SIPA1L2: variants seen among roughly 807,000 people sequenced by gnomAD.
SIPA1L2 encodes the protein signal induced proliferation associated 1 like 2.
A neutral mutation model predicts 163.9 loss-of-function variants in SIPA1L2; 56 were observed. The observed-to-expected ratio is 0.34, with a 90% confidence interval of 0.28 to 0.43. The LOEUF (loss-of-function observed/expected upper bound fraction) is 0.43, where lower values mean the gene tolerates loss of function less well. Among genes scored for constraint, SIPA1L2 ranks in the 20% least tolerant of loss-of-function variants. The probability of loss-of-function intolerance (pLI) is 1.00; values close to 1 mark genes in which losing one functional copy is unlikely to be tolerated. For missense variants in SIPA1L2, 1,974 were observed against 2,193.5 expected (o/e 0.90, Z 2.00); for synonymous variants, 877 against 865.7 (o/e 1.01, Z -0.23).
chr1:232,529,098 T>C (rs970898311), intron 2 of SIPA1L2, among the ~76,000 whole-genome samples: 1 of 152,216 alleles, frequency 6.6e-6, no homozygotes, highest in Non-Finnish European at 1.5e-5. Context: ...AGTTAGGTCA[T>C]TGTTCTTTAT....
At chr1:232,616,302 A>T (rs578169765) in intron 1 of SIPA1L2, among the ~76,000 whole-genome samples, 2 of 152,352 alleles carry the variant, frequency 1.3e-5, no homozygotes, top group African/African-American at 2.4e-5. Context: ...GCAAAGCAGA[A>T]CCAAACAATT....
chr1:232,479,925 G>T (rs561869027), intron 6 of SIPA1L2, among the ~76,000 whole-genome samples, 195 bp from the exon 7 acceptor site: 1 of 152,204 alleles, frequency 6.6e-6, no homozygotes, highest in African/African-American at 2.4e-5. Context: ...GGACTGAGAG[G>T]CTCCTTTCCT....
intron 2 of SIPA1L2, among the ~76,000 whole-genome samples, chr1:232,560,726 T>C (rs749425358): frequency 1.3e-5 from 2 of 152,154 alleles, no homozygotes; most frequent in Non-Finnish European, 2.9e-5. Context: ...AGTTCTAACA[T>C]GAACCAGAAA....
intron 8 of SIPA1L2, among the ~76,000 whole-genome samples, chr1:232,469,901 G>T (rs1664714117): frequency 6.6e-6 from 1 of 151,232 alleles, no homozygotes; most frequent in Non-Finnish European, 1.5e-5. Flanking sequence ...AATTGAACAG[G>T]TATTGCCTAT....
At chr1:232,432,678 T>C (rs1267095709) in intron 15 of SIPA1L2, among the ~76,000 whole-genome samples, 2 of 152,212 alleles carry the variant, frequency 1.3e-5, no homozygotes, top group African/African-American at 4.8e-5. Context: ...GTGCAAGTTG[T>C]ATGCCTGTGG....
intron 2 of SIPA1L2, among the ~76,000 whole-genome samples, chr1:232,556,485 G>C (rs1007197495): frequency 6.6e-6 from 1 of 152,166 alleles, no homozygotes; most frequent in African/African-American, 2.4e-5. Flanking sequence ...ATGCTGCACA[G>C]ACAAGGATGG....
chr1:232,587,990 C>T (rs935775507), intron 1 of SIPA1L2, among the ~76,000 whole-genome samples: 2 of 152,184 alleles, frequency 1.3e-5, no homozygotes, highest in African/African-American at 2.4e-5. Flanking sequence ...GTCCATTAAA[C>T]CTCTTTCTTT....
chr1:232,589,554 G>A (rs1353487941), intron 1 of SIPA1L2, among the ~76,000 whole-genome samples: 1 of 152,164 alleles, frequency 6.6e-6, no homozygotes, highest in Non-Finnish European at 1.5e-5. Flanking sequence ...GGAGTCTGTT[G>A]GGGAATCAAA....
At chr1:232,511,574 C>CATGAGTCTATACTAT (rs1332188777) in intron 3 of SIPA1L2, among the ~76,000 whole-genome samples, 2 of 152,098 alleles carry the variant, frequency 1.3e-5, no homozygotes, top group African/African-American at 4.8e-5. Flanking sequence ...GTCTATACTC[C>CATGAGTCTATACTAT]ATGAGAAAAA....
At chr1:232,622,304 C>T (rs1445207212) in intron 1 of SIPA1L2, among the ~76,000 whole-genome samples, 1 of 152,160 alleles carries the variant, frequency 6.6e-6, no homozygotes, top group Non-Finnish European at 1.5e-5. Flanking sequence ...GAGCACCTAC[C>T]ACATTTAAGG....
intron 2 of SIPA1L2, among the ~76,000 whole-genome samples, chr1:232,515,872 A>G (rs1667197888): frequency 6.6e-6 from 1 of 152,204 alleles, no homozygotes; most frequent in African/African-American, 2.4e-5. Context: ...CTAAGCAAAG[A>G]ATGTTGTGAT....
intron 3 of SIPA1L2, among the ~76,000 whole-genome samples, chr1:232,500,418 C>T (rs1338140187): frequency 6.6e-6 from 1 of 152,166 alleles, no homozygotes; most frequent in African/African-American, 2.4e-5. Flanking sequence ...TTCATCATTC[C>T]AGATGCCATT....
At chr1:232,587,714 G>T (rs1442486888) in intron 1 of SIPA1L2, among the ~76,000 whole-genome samples, 1 of 152,162 alleles carries the variant, frequency 6.6e-6, no homozygotes, top group East Asian at 1.9e-4. Context: ...ATTTGGCTGT[G>T]TCCCCACCCA....
intron 2 of SIPA1L2, among the ~76,000 whole-genome samples, chr1:232,563,938 A>C (rs1659189360): frequency 7.2e-6 from 1 of 138,506 alleles, no homozygotes; most frequent in Non-Finnish European, 1.5e-5. Context: ...TGAACGACAA[A>C]GGTTTGTTTT....
At chr1:232,617,165 T>C (rs1022177615) in intron 1 of SIPA1L2, among the ~76,000 whole-genome samples, 5 of 152,220 alleles carry the variant, frequency 3.3e-5, no homozygotes, top group Non-Finnish European at 5.9e-5. Flanking sequence ...CAGATACAAA[T>C]AAACCAGTAA....
intron 1 of SIPA1L2, among the ~76,000 whole-genome samples, chr1:232,613,625 C>T (rs953559613): frequency 6.6e-6 from 1 of 152,172 alleles, no homozygotes; most frequent in Non-Finnish European, 1.5e-5. Flanking sequence ...AATACAGATA[C>T]CACCATAAAG....
rs778280696 is a variant in SIPA1L2, at chr1:232,514,920, T to C, written c.420A>G (p.Thr140=). ...GGGAATGGACAAAGATGTCTCCGAT[T>C]GTGTACTTGGCCTCCACGAAGTCCA... The part of the protein sequence containing the change: ...LDLDFVEAKY[T]IGDIFVHSPQ... Residue 140 remains threonine (T), a synonymous_variant, in exon 3 of 23, where the codon ACA becomes ACG. Transcript: ENST00000674635. 2 of 1,614,152 alleles carry C rather than the reference T, an allele frequency of 1.2e-6. No homozygotes were observed. The highest frequency in any genetic ancestry group is 1.7e-6 in the Non-Finnish European group (2 of 1,180,000).
intron 1 of SIPA1L2, among the ~76,000 whole-genome samples, chr1:232,591,603 T>C (rs2102828759): frequency 6.6e-6 from 1 of 152,382 alleles, no homozygotes; most frequent in Non-Finnish European, 1.5e-5. Context: ...CTTTAAGCTC[T>C]CTCTTCAGGC....
intron 1 of SIPA1L2, among the ~76,000 whole-genome samples, chr1:232,609,762 G>A (rs533803135): frequency 1.0e-4 from 15 of 150,740 alleles, no homozygotes; most frequent in South Asian, 2.1e-4. Flanking sequence ...CCTGGGAGGC[G>A]GAGCTTGCAG....
Sources: allele counts gnomAD v4.1 joint callset (sites outside exome capture counted in the v4.1 genomes callset), GRCh38; gene constraint gnomAD v4.1.1; transcripts MANE v1.5; gene names NCBI Gene and HGNC (gene_info 2026-07-23, HGNC 2026-07-21).